The following PCDHAC1 variants were observed in gnomAD, a reference collection of about 807,000 sequenced individuals.
The protein encoded by PCDHAC1 is protocadherin alpha-C1.
In PCDHAC1, 42 loss-of-function variants were observed where a neutral mutation model predicts 60.0. The ratio of observed to expected loss-of-function variants is 0.70; its 90% CI spans 0.55 to 0.90. The LOEUF (loss-of-function observed/expected upper bound fraction) is 0.90. Ranked by LOEUF, PCDHAC1 falls within the 40% of genes least tolerant of loss-of-function variation. The pLI is 0.00. For synonymous variants in PCDHAC1, 468 were observed against 499.3 expected (o/e 0.94, Z 0.84); for missense variants, 1,160 against 1,222.3 (o/e 0.95, Z 0.76).
Position 140,928,977 on chromosome 5 carries a change from T to C in PCDHAC1, c.2085T>C (p.Phe695=). 1 of 1,613,888 alleles carries C rather than the reference T, an allele frequency of 6.2e-7. No individual in the cohort carries two copies. The highest frequency in any genetic ancestry group is 8.5e-7 in the Non-Finnish European group (1 of 1,179,906). ...VIALACISFL[F]LGCLLFFVCT... ...CCTTGGCTTGTATTTCCTTTTTATT[T>C]CTGGGGTGCTTACTTTTCTTCGTGT... Residue 695 remains phenylalanine, a synonymous_variant, in exon 1 of 4, where the codon TTT becomes TTC. Coordinates refer to ENST00000253807, the MANE Select transcript of PCDHAC1 (RefSeq NM_018898.5).
intron 3 of PCDHAC1, 119 bp from the exon 4 acceptor site, chr5:141,009,508 C>T (rs923907688): frequency 6.7e-7 from 1 of 1,496,530 alleles, no homozygotes; most frequent in African/African-American, 1.4e-5. Flanking sequence ...GAACAAACAA[C>T]TCGTGATTTT....
rs1189193877 is a variant in PCDHAC1, at chr5:140,927,780, T to C, written c.888T>C (p.Ala296=). The stretch of plus-strand genomic sequence containing the variant: ...CTAAAAGTGGGGAGGTGCAAGTAGC[T>C]GCTTCACTAGGTCCGCCTGAAACGC... ...VHPKSGEVQV[A]ASLGPPETLL... is the part of the protein sequence containing the mutation. Residue 296 remains alanine (A), a synonymous_variant, in exon 1 of 4, where the codon GCT becomes GCC. Transcript: ENST00000253807. 3.1e-6 allele frequency: 5 copies of C among 1,614,090 alleles called. No individual in the cohort carries two copies. Among genetic ancestry groups the C allele is most frequent in the African/African-American group, 1.3e-5 (1 of 74,946 alleles).
chr5:140,934,262 TAATC>T (rs1554209807), intron 1 of PCDHAC1, among the ~76,000 whole-genome samples: 1 of 152,136 alleles, frequency 6.6e-6, no homozygotes, highest in Non-Finnish European at 1.5e-5. Flanking sequence ...AAATTAATAA[TAATC>T]AGTGCTTCAT....
chr5:140,985,643 A>C (rs564908892), intron 3 of PCDHAC1, among the ~76,000 whole-genome samples: 10 of 151,298 alleles, frequency 6.6e-5, no homozygotes, highest in African/African-American at 1.9e-4. Context: ...TCATCCCAAC[A>C]CTTGCAATGG....
chr5:140,946,611 AATAT>A (rs1554217734), intron 1 of PCDHAC1, among the ~76,000 whole-genome samples: 10 of 86,794 alleles, frequency 1.2e-4, no homozygotes, highest in Admixed American at 4.7e-4. Flanking sequence ...GAAAATGTGA[AATAT>A]ATATATATAT....
At chr5:140,984,031 CAT>C (rs2153832931) in intron 3 of PCDHAC1, among the ~76,000 whole-genome samples, 1 of 152,260 alleles carries the variant, frequency 6.6e-6, no homozygotes, top group South Asian at 2.1e-4. Context: ...AGGGGAAAAA[CAT>C]AAAATAGTTC....
Position 140,982,534 on chromosome 5 carries a change from A to G in PCDHAC1, c.2552A>G (p.Gln851Arg), listed in dbSNP as rs1554244431. Residue 851 changes from glutamine (Q) to arginine (R), a missense_variant, in exon 3 of 4, where the codon CAG becomes CGG. By Grantham distance (43) the Gln-to-Arg change is conservative. This residue lies in a region of PCDHAC1 where 1,113 missense variants were observed against 1,163.7 expected (regional missense o/e 0.96). Transcript: ENST00000253807. ...GCTGGTCCAGGAGGGCCTGATCAGC[A>G]GTGGCCAACAGTATCCAGTGCAACA... ...LRAGPGGPDQ[Q>R]WPTVSSATPE... 1 of 1,614,222 alleles carries G rather than the reference A, an allele frequency of 6.2e-7. No homozygotes were observed. Among genetic ancestry groups the G allele is most frequent in the Non-Finnish European group, 8.5e-7 (1 of 1,180,036 alleles).
intron 1 of PCDHAC1, among the ~76,000 whole-genome samples, chr5:140,937,385 T>G (rs1022137225): frequency 2.6e-5 from 4 of 152,170 alleles, no homozygotes; most frequent in Admixed American, 2.6e-4. Flanking sequence ...TGTGTGTATG[T>G]GTATATAGGG....
Position 140,928,817 on chromosome 5 carries a change from G to A in PCDHAC1, c.1925G>A (p.Gly642Glu), listed in dbSNP as rs868908592. 6.2e-7 allele frequency: 1 copy of A among 1,614,118 alleles called. No homozygotes were observed. The highest frequency in any genetic ancestry group is 8.5e-7 in the Non-Finnish European group (1 of 1,180,034). ...GTGGTGGTAGTGGTTCGGGACCATG[G>A]AGACCCACCACTTTCCTCCTCTGTC... ...QRVVVVVRDH[G>E]DPPLSSSVTL... Residue 642 changes from glycine (G) to glutamate (E), a missense_variant, in exon 1 of 4, where the codon GGA (glycine) becomes GAA (glutamate). By Grantham distance (98) the Gly-to-Glu change is moderately conservative (BLOSUM62 -2). Transcript: ENST00000253807.
At chr5:140,959,494 T>G (rs2153722388) in intron 1 of PCDHAC1, among the ~76,000 whole-genome samples, 1 of 152,286 alleles carries the variant, frequency 6.6e-6, no homozygotes, top group South Asian at 2.1e-4. Flanking sequence ...TATATATGGA[T>G]CAAACTAAAA....
chr5:140,926,711 C>T lies in PCDHAC1; in HGVS notation c.-182C>T. On this transcript the variant is annotated 5_prime_UTR_variant, in exon 1 of 4. Coordinates refer to ENST00000253807, the MANE Select transcript of PCDHAC1 (RefSeq NM_018898.5). ...GCAAGCCCGGCTCCCAGCTGGCCAG[C>T]CCCGGCAATGCCGGCGTTCGGGAGG... 1 of 925,094 alleles carries T rather than the reference C, an allele frequency of 1.1e-6. No homozygotes were observed. Among genetic ancestry groups the T allele is most frequent in the Non-Finnish European group, 1.5e-6 (1 of 671,206 alleles). The allele number at this position is 925,094 out of a possible 1,614,324, so 57.3% of individuals were successfully genotyped here.
intron 3 of PCDHAC1, among the ~76,000 whole-genome samples, chr5:141,000,228 G>C (rs994042672): frequency 3.3e-5 from 5 of 151,306 alleles, no homozygotes; most frequent in Non-Finnish European, 2.9e-5. Context: ...CCTGTGTGGA[G>C]CTGAATGTGG....
At position 140,958,540 on chromosome 5, in the gene PCDHAC1, A is replaced by G. The variant is rs920451567; in HGVS notation, c.2434-20409A>G. 4.6e-5 allele frequency among the ~76,000 whole-genome samples: 7 copies of G among 152,312 alleles called. 1 individual carries two copies. In the East Asian group the frequency reaches 1.3e-3, roughly 29 times the overall value. On this transcript the variant is annotated intron_variant, in intron 1 of 3. Coordinates refer to ENST00000253807, the MANE Select transcript of PCDHAC1 (RefSeq NM_018898.5). ...ATATATACTATGTGTACATTGATTT[A>G]TGAACCAATAAATGTTTCATACACA... is the stretch of plus-strand genomic sequence containing the variant.
At chr5:140,940,508 G>A (rs1171264265) in intron 1 of PCDHAC1, among the ~76,000 whole-genome samples, 2 of 151,902 alleles carry the variant, frequency 1.3e-5, no homozygotes, top group African/African-American at 4.8e-5. Context: ...CGTCGCTCAG[G>A]CGTGATCATA....
In PCDHAC1 at chr5:141,010,048, C is replaced by T; in HGVS notation, c.*111C>T. 4 of 1,597,434 alleles carry T rather than the reference C, an allele frequency of 2.5e-6. No homozygotes were observed. The highest frequency in any genetic ancestry group is 3.4e-6 in the Non-Finnish European group (4 of 1,172,252). Reference sequence around the variant, plus strand: ...CTATCTACATGAGCCCTCTTAGAGACCTCAGAAATCTGCAGAAAGTTCCCT... The same window carrying T: ...CTATCTACATGAGCCCTCTTAGAGATCTCAGAAATCTGCAGAAAGTTCCCT... On this transcript the variant is annotated 3_prime_UTR_variant, in exon 4 of 4. Coordinates refer to ENST00000253807, the MANE Select transcript of PCDHAC1 (RefSeq NM_018898.5).
At chr5:140,998,722 G>A (rs572133347) in intron 3 of PCDHAC1, among the ~76,000 whole-genome samples, 4 of 152,002 alleles carry the variant, frequency 2.6e-5, no homozygotes, top group Non-Finnish European at 4.4e-5. Flanking sequence ...GCACCACCAC[G>A]CTAGGCTAAT....
At chr5:140,965,903 A>T (rs73793545) in intron 1 of PCDHAC1, among the ~76,000 whole-genome samples, 2,475 of 152,308 alleles carry the variant, frequency 0.016, 63 homozygotes, top group African/African-American at 0.056. Context: ...CTTGGATCCC[A>T]GGATGCTGGT....
chr5:140,988,062 A>G (rs1032842011), intron 3 of PCDHAC1, among the ~76,000 whole-genome samples: 1 of 152,114 alleles, frequency 6.6e-6, no homozygotes, highest in Non-Finnish European at 1.5e-5. Context: ...GTCAACATGA[A>G]TTTTTCTATT....
At chr5:140,938,606 T>G (rs2092130259) in intron 1 of PCDHAC1, among the ~76,000 whole-genome samples, 1 of 152,166 alleles carries the variant, frequency 6.6e-6, no homozygotes, top group African/African-American at 2.4e-5. Flanking sequence ...AATCTTGCAT[T>G]CTTGGAATAA....
Sources: allele counts gnomAD v4.1 joint callset (sites outside exome capture counted in the v4.1 genomes callset), GRCh38; gene constraint gnomAD v4.1.1; regional missense constraint gnomAD v4.1.1; transcripts MANE v1.5; gene names NCBI Gene and HGNC (gene_info 2026-07-23, HGNC 2026-07-21).